PRR5L: variants seen among roughly 807,000 people sequenced by gnomAD.
PRR5L encodes the protein proline rich 5 like, also known as proline-rich protein 5-like.
PRR5L carries 21 observed loss-of-function variants against 36.4 expected under a neutral mutation model. That is an observed-to-expected ratio of 0.58 (90% CI 0.41 to 0.83). PRR5L has a LOEUF of 0.83. Ranked by LOEUF, PRR5L falls within the 40% of genes least tolerant of loss-of-function variation. PRR5L has a pLI of 0.00. For missense variants in PRR5L, 381 were observed against 473.3 expected (o/e 0.80, Z 1.81); for synonymous variants, 188 against 197.0 (o/e 0.95, Z 0.38).
intron 3 of PRR5L, among the ~76,000 whole-genome samples, chr11:36,407,734 A>C (rs1244958593): frequency 6.6e-6 from 1 of 152,178 alleles, no homozygotes; most frequent in East Asian, 1.9e-4. Context: ...GGAAATACAA[A>C]TTTATTTAAA....
chr11:36,460,697 C>T (rs921981968), intron 8 of PRR5L, among the ~76,000 whole-genome samples: 5 of 152,244 alleles, frequency 3.3e-5, no homozygotes, highest in Non-Finnish European at 5.9e-5. Context: ...CCCATTCTGC[C>T]ACACTTCTGC....
intron 1 of PRR5L, among the ~76,000 whole-genome samples, chr11:36,356,703 G>A (rs1014287422): frequency 2.0e-5 from 3 of 151,888 alleles, no homozygotes; most frequent in Non-Finnish European, 4.4e-5. Flanking sequence ...AATTGTTTTG[G>A]GGCACCACAC....
At position 36,351,644 on chromosome 11, in the gene PRR5L, TATATATTTATATAA is replaced by T. The variant is rs1437080818; in HGVS notation, c.-125-49346_-125-49333del. 6.5e-4 allele frequency among the ~76,000 whole-genome samples: 9 copies of T among 13,760 alleles called. 4 individuals are homozygous for T. Among genetic ancestry groups the T allele is most frequent in the African/African-American group, 1.6e-3 (5 of 3,054 alleles). The allele number at this position is 13,760 out of a possible 152,430, so 9.0% of individuals were successfully genotyped here. On this transcript the variant is annotated intron_variant, in intron 1 of 8. Coordinates refer to ENST00000530639, the MANE Select transcript of PRR5L (RefSeq NM_001160167.2). ...TTATATATTTATATAAATATATATT[TATATATTTATATAA>T]ATATATATTTATATACTTATATATT...
At chr11:36,336,821 G>A (rs899566926) in intron 1 of PRR5L, among the ~76,000 whole-genome samples, 3 of 152,036 alleles carry the variant, frequency 2.0e-5, no homozygotes, top group African/African-American at 7.2e-5. Flanking sequence ...AAACTGCATA[G>A]CAATTGTCAC....
In PRR5L at chr11:36,351,652, TA is replaced by T. The variant is rs1565409203; in HGVS notation, c.-125-49344del. ...TTATATAAATATATATTTATATATTTATATAAATATATATTTATATACTTAT... is the reference window on the plus strand; with the variant it reads ...TTATATAAATATATATTTATATATTTTATAAATATATATTTATATACTTAT... On this transcript the variant is annotated intron_variant, in intron 1 of 8. Transcript: ENST00000530639. Among the ~76,000 whole-genome samples, 16 of 21,344 alleles carry T rather than the reference TA, an allele frequency of 7.5e-4. 3 individuals are homozygous for T. Among genetic ancestry groups the T allele is most frequent in the African/African-American group, 3.7e-3 (13 of 3,534 alleles). The allele number at this position is 21,344 out of a possible 152,430, so 14.0% of individuals were successfully genotyped here. A position where few individuals can be genotyped will look rare whatever the true frequency, so the allele number is the denominator to read the frequency against.
At chr11:36,331,525 G>T (rs1355446135) in intron 1 of PRR5L, among the ~76,000 whole-genome samples, 3 of 152,246 alleles carry the variant, frequency 2.0e-5, no homozygotes, top group South Asian at 4.1e-4. Flanking sequence ...GAGAATCCTT[G>T]TTTCCTCAGT....
chr11:36,451,290 G>A lies in PRR5L; in HGVS notation c.667G>A (p.Gly223Ser), dbSNP rs141937897. The stretch of plus-strand genomic sequence containing the variant: ...GAAGCAAGTGGTTTCTCCTTTCCTC[G>A]GCATCAGCGGGGACCGTAGCTTCTC... ...LVKQVVSPFLGISGDRSFSGP... is the reference protein window; with the variant it reads ...LVKQVVSPFLSISGDRSFSGP... The change falls in exon 8 of 9, where the codon GGC (glycine) becomes AGC (serine). Residue 223 changes from glycine to serine, a missense_variant. Gly to Ser is a moderately conservative substitution (Grantham distance 56). Coordinates refer to ENST00000530639, the MANE Select transcript of PRR5L (RefSeq NM_001160167.2). 236 of 1,614,030 alleles carry A rather than the reference G, an allele frequency of 1.5e-4. No homozygotes were observed. Among genetic ancestry groups the A allele is most frequent in the Non-Finnish European group, 1.9e-4 (227 of 1,180,034 alleles).
chr11:36,351,767 T>TTATATATTTA lies in PRR5L; in HGVS notation c.-125-49223_-125-49222insTTATATATAT, dbSNP rs1856976586. Among the ~76,000 whole-genome samples, 9 of 26,280 alleles carry TTATATATTTA rather than the reference T, an allele frequency of 3.4e-4. 1 individual carries two copies. The highest frequency in any genetic ancestry group is 1.0e-3 in the South Asian group (1 of 992). 17.2% of individuals were successfully genotyped at this position (26,280 alleles called of 152,430 possible). A position where few individuals can be genotyped will look rare whatever the true frequency, so the allele number is the denominator to read the frequency against. On this transcript the variant is annotated intron_variant, in intron 1 of 8. Coordinates refer to ENST00000530639, the MANE Select transcript of PRR5L (RefSeq NM_001160167.2). Reference sequence around the variant, plus strand: ...ATATAATTTATATATATTTATATATTTATATATATTTATATATTTTTTTTA... The same window carrying TTATATATTTA: ...ATATAATTTATATATATTTATATATTTATATATTTATATATATATTTATATATTTTTTTTA...
chr11:36,406,391 T>C (rs11828656), intron 3 of PRR5L, among the ~76,000 whole-genome samples: 4,319 of 152,266 alleles, frequency 0.028, 194 homozygotes, highest in African/African-American at 0.098. Flanking sequence ...TTTCTGTACC[T>C]TACATTCTAG....
At chr11:36,374,534 T>C (rs78231155) in intron 1 of PRR5L, among the ~76,000 whole-genome samples, 2,050 of 152,064 alleles carry the variant, frequency 0.013, 15 homozygotes, top group Admixed American at 0.023. Context: ...GTAGGTCTTA[T>C]TGAAATAAAA....
chr11:36,445,185 GA>G (rs1267121436), intron 6 of PRR5L, among the ~76,000 whole-genome samples: 1 of 152,162 alleles, frequency 6.6e-6, no homozygotes, highest in Non-Finnish European at 1.5e-5. Flanking sequence ...GGAGTTGCAG[GA>G]AATATAAAAC....
intron 4 of PRR5L, among the ~76,000 whole-genome samples, chr11:36,426,368 G>C (rs963504890): frequency 7.9e-5 from 12 of 152,136 alleles, no homozygotes; most frequent in African/African-American, 2.9e-4. Context: ...CCTCAGCCTC[G>C]TTACTTAGTC....
At chr11:36,302,172 A>C (rs1285857349) in intron 1 of PRR5L, among the ~76,000 whole-genome samples, 5 of 152,222 alleles carry the variant, frequency 3.3e-5, no homozygotes, top group African/African-American at 1.2e-4. Context: ...ACAGGAACAC[A>C]ATGAATGGCC....
intron 8 of PRR5L, among the ~76,000 whole-genome samples, chr11:36,457,907 ATTTT>A (rs895767482): frequency 2.0e-5 from 3 of 151,992 alleles, no homozygotes; most frequent in Admixed American, 6.5e-5. Context: ...TCTCAAGGGC[ATTTT>A]TTTTAAGGAC....
At chr11:36,424,351 T>C (rs1858334698) in intron 4 of PRR5L, among the ~76,000 whole-genome samples, 1 of 152,230 alleles carries the variant, frequency 6.6e-6, no homozygotes, top group Non-Finnish European at 1.5e-5. Flanking sequence ...ATCATGGAAG[T>C]GTGGTATTCT....
intron 1 of PRR5L, among the ~76,000 whole-genome samples, chr11:36,370,009 T>C (rs1857182567): frequency 1.3e-5 from 2 of 152,218 alleles, no homozygotes; most frequent in South Asian, 4.1e-4. Flanking sequence ...TTCTAGGAAA[T>C]GAACTGGGCA....
Position 36,374,244 on chromosome 11 carries a change from G to A in PRR5L, c.-125-26753G>A, listed in dbSNP as rs576015410. ...AGAGTACTTGGGATTACAGGCACCC[G>A]CCACCATGCCCGGCTAATTTTTGTA... On this transcript the variant is annotated intron_variant, in intron 1 of 8. Coordinates refer to ENST00000530639, the MANE Select transcript of PRR5L (RefSeq NM_001160167.2). Among the ~76,000 whole-genome samples, 140 of 152,012 alleles carry A rather than the reference G, an allele frequency of 9.2e-4. 1 individual carries two copies. The highest frequency in any genetic ancestry group is 3.2e-3 in the African/African-American group (132 of 41,466).
intron 1 of PRR5L, among the ~76,000 whole-genome samples, chr11:36,323,925 G>A (rs988051993): frequency 5.3e-5 from 8 of 152,066 alleles, no homozygotes; most frequent in East Asian, 1.9e-4. Context: ...TAATAATACC[G>A]TGTATTGGCA....
intron 8 of PRR5L, among the ~76,000 whole-genome samples, chr11:36,453,118 T>A (rs1357735670): frequency 6.6e-6 from 1 of 152,236 alleles, no homozygotes; most frequent in East Asian, 1.9e-4. Flanking sequence ...TCTGTTGGCA[T>A]TGCTGGCTGA....
Sources: allele counts gnomAD v4.1 joint callset (sites outside exome capture counted in the v4.1 genomes callset), GRCh38; gene constraint gnomAD v4.1.1; transcripts MANE v1.5; gene names NCBI Gene and HGNC (gene_info 2026-07-23, HGNC 2026-07-21).